PYROXD1: variants seen among roughly 807,000 people sequenced by gnomAD.
The protein encoded by PYROXD1 is tRNA ligase complex-associated NAD(P)H dehydrogenase PYROXD1.
Under a neutral mutation model 62.0 loss-of-function variants are expected in PYROXD1, and 42 were observed. The ratio of observed to expected loss-of-function variants is 0.68; its 90% CI spans 0.53 to 0.88. The LOEUF (loss-of-function observed/expected upper bound fraction) is 0.88. PYROXD1 is among the 40% of genes least tolerant of loss of function. The pLI, the probability that PYROXD1 is intolerant of heterozygous loss-of-function variation, is 0.00. For missense variants in PYROXD1, 493 were observed against 604.8 expected (o/e 0.82, Z 1.94); for synonymous variants, 170 against 206.4 (o/e 0.82, Z 1.51).
At chr12:21,440,205 A>G (rs1237457153) in intron 1 of PYROXD1, among the ~76,000 whole-genome samples, 163 bp from the exon 2 acceptor site, 1 of 152,188 alleles carries the variant, frequency 6.6e-6, no homozygotes, top group Admixed American at 6.5e-5. Context: ...CCATTGCCCC[A>G]TCAAGACCAA....
intron 10 of PYROXD1, 138 bp downstream of exon 10, chr12:21,463,000 TA>T (rs574532434): frequency 3.0e-4 from 191 of 645,936 alleles, no homozygotes; most frequent in Middle Eastern, 5.6e-4. Context: ...TATATATATT[TA>T]AAAAAAAAAC....
chr12:21,449,441 C>T, intron 3 of PYROXD1, 122 bp from the exon 4 acceptor site: 11 of 782,192 alleles, frequency 1.4e-5, no homozygotes, highest in South Asian at 4.5e-5. Context: ...TGAGTGCCAC[C>T]AAGAGGCAAC....
chr12:21,466,866 G>T (rs944939065), intron 10 of PYROXD1, among the ~76,000 whole-genome samples: 1 of 152,082 alleles, frequency 6.6e-6, no homozygotes, highest in Non-Finnish European at 1.5e-5. Context: ...TAGCATGAAG[G>T]GTTGTTGAAT....
Position 21,461,165 on chromosome 12 carries a change from A to G in PYROXD1, c.880+11A>G. Reference sequence around the variant, plus strand: ...TTACAGCTGATACAGGCAAGTAATGAAATAAGAAAAAATATATATAACCAC... The same window carrying G: ...TTACAGCTGATACAGGCAAGTAATGGAATAAGAAAAAATATATATAACCAC... On this transcript the variant is annotated intron_variant, in intron 8 of 11. Coordinates refer to ENST00000240651, the MANE Select transcript of PYROXD1 (RefSeq NM_024854.5). 1 of 1,466,964 alleles carries G rather than the reference A, an allele frequency of 6.8e-7. No homozygotes were observed. Among genetic ancestry groups the G allele is most frequent in the Non-Finnish European group, 9.1e-7 (1 of 1,098,446 alleles). The allele number at this position is 1,466,964 out of a possible 1,614,324, so 90.9% of individuals were successfully genotyped here.
chr12:21,455,334 T>G, intron 6 of PYROXD1, 42 bp downstream of exon 6: 1 of 1,289,256 alleles, frequency 7.8e-7, no homozygotes, highest in Non-Finnish European at 1.0e-6. Flanking sequence ...TACAAAACTT[T>G]TTTAAAACCA....
chr12:21,455,358 T>C (rs1942576675), intron 6 of PYROXD1, 66 bp downstream of exon 6: 1 of 987,670 alleles, frequency 1.0e-6, no homozygotes, highest in Non-Finnish European at 1.4e-6. Context: ...AGAAAAGGGC[T>C]ACAAGAAAAT....
rs1482342766 is a variant in PYROXD1, at chr12:21,462,006, A to T, written c.881-2A>T. On this transcript the variant is annotated splice_acceptor_variant, in intron 8 of 11. Transcript: ENST00000240651. LOFTEE classifies it high-confidence loss of function. The stretch of plus-strand genomic sequence containing the variant: ...TGTTTTTTTGGTTTTTTTTTCTTAA[A>T]GAGATGTGGCCTGTCTATGTGGAAT... The T allele has an allele frequency of 2.5e-6, 4 of 1,596,982 alleles. No homozygotes were observed. Among genetic ancestry groups the T allele is most frequent in the Non-Finnish European group, 2.6e-6 (3 of 1,169,506 alleles).
intron 2 of PYROXD1, 137 bp from the exon 3 acceptor site, chr12:21,445,210 C>G (rs372552780): frequency 3.4e-6 from 3 of 887,912 alleles, no homozygotes; most frequent in East Asian, 3.1e-5. Context: ...TCTTTCCACT[C>G]TATATAGTGC....
Position 21,471,034 on chromosome 12 carries a change from G to A in PYROXD1, c.*2280G>A, listed in dbSNP as rs777565272. ...ATAGCATGTGCCTCATTGTTCAGAA[G>A]ATTAGCTTTAGGTCCTATTTTCAAA... On this transcript the variant is annotated 3_prime_UTR_variant, in exon 12 of 12. Coordinates refer to ENST00000240651, the MANE Select transcript of PYROXD1 (RefSeq NM_024854.5). 28 of 1,601,644 alleles carry A rather than the reference G, an allele frequency of 1.7e-5. No homozygotes were observed. The East Asian group carries it at 6.0e-4, about 34-fold the overall frequency.
intron 5 of PYROXD1, 83 bp downstream of exon 5, chr12:21,452,237 C>A: frequency 3.2e-6 from 3 of 933,436 alleles, no homozygotes; most frequent in South Asian, 2.8e-5. Flanking sequence ...CTTTGTGATT[C>A]TTGTGATTTG....
intron 1 of PYROXD1, 167 bp downstream of exon 1, chr12:21,437,981 A>C: frequency 1.6e-6 from 1 of 645,150 alleles, no homozygotes. Context: ...GGTGGTCCTC[A>C]GATGACCTCA....
chr12:21,437,909 CG>C, intron 1 of PYROXD1, 95 bp downstream of exon 1: 1 of 1,188,404 alleles, frequency 8.4e-7, no homozygotes, highest in South Asian at 1.5e-5. Context: ...TTTCTTCTTC[CG>C]GGTTCCTTTT....
At chr12:21,438,649 T>C (rs1195931522) in intron 1 of PYROXD1, 3 of 152,242 alleles carry the variant, frequency 2.0e-5, no homozygotes, top group African/African-American at 7.2e-5. Context: ...CTTTCTTGAT[T>C]ATACTGAATA....
rs765266761 is a variant in PYROXD1 at position 21,462,800 on chromosome 12, G to T, written c.1054G>T (p.Asp352Tyr). Residue 352 changes from aspartate (D) to tyrosine (Y), a missense_variant, in exon 10 of 12, where the codon GAT becomes TAT. Around this residue, in one of 2 missense-constraint regions of PYROXD1, gnomAD observed 329 missense variants for 446.6 expected, o/e 0.74. Transcript: ENST00000240651. Reference protein sequence around the residue: ...VDDHMHTSLPDIYAAGDICTT... With the variant: ...VDDHMHTSLPYIYAAGDICTT... ...TGATCATATGCACACATCCCTTCCT[G>T]ATATCTATGCTGCCGGTGACATCTG... 5 of 1,614,012 alleles carry T rather than the reference G, an allele frequency of 3.1e-6. No individual in the cohort carries two copies. The South Asian group carries it at 5.5e-5, about 18-fold the overall frequency.
In PYROXD1 at chr12:21,462,132, TTTTTTTG is replaced by T. The variant is rs1179639115; in HGVS notation, c.993+14_993+20del. 1.3e-6 allele frequency: 2 copies of T among 1,516,752 alleles called. No individual in the cohort carries two copies. Among genetic ancestry groups the T allele is most frequent in the African/African-American group, 2.8e-5 (2 of 72,580 alleles). 94.0% of individuals were successfully genotyped at this position (1,516,752 alleles called of 1,614,324 possible). On this transcript the variant is annotated intron_variant, in intron 9 of 11. Transcript: ENST00000240651. Reference sequence around the variant, plus strand: ...TCCATGGTAACAGTGTAAGGTGAAATTTTTTTGTCCAGCTGTGAATATATTTGAAGTA... The same window carrying T: ...TCCATGGTAACAGTGTAAGGTGAAATTCCAGCTGTGAATATATTTGAAGTA...
Position 21,445,412 on chromosome 12 carries a change from T to A in PYROXD1, c.231T>A (p.Phe77Leu). The A allele has an allele frequency of 6.2e-7, 1 of 1,609,484 alleles. No individual in the cohort carries two copies. Among genetic ancestry groups the A allele is most frequent in the South Asian group, 1.1e-5 (1 of 89,504 alleles). The change falls in exon 3 of 12, where the codon TTT becomes TTA. Residue 77 changes from phenylalanine (F) to leucine (L), a missense_variant. Phe to Leu is a conservative substitution (Grantham distance 22, BLOSUM62 0). Around this residue, in one of 2 missense-constraint regions of PYROXD1, gnomAD observed 164 missense variants for 158.2 expected, o/e 1.04. Coordinates refer to ENST00000240651, the MANE Select transcript of PYROXD1 (RefSeq NM_024854.5). ...EQSSTMLGKR[F>L]PNIKVIESGV... is the part of the protein sequence containing the mutation. The stretch of plus-strand genomic sequence containing the variant: ...CAAGTACCATGTTAGGAAAACGCTT[T>A]CCCAACATTAAGGTTATAGAATCTG...
chr12:21,439,625 C>A (rs569358840), intron 1 of PYROXD1, among the ~76,000 whole-genome samples: 1 of 151,912 alleles, frequency 6.6e-6, no homozygotes, highest in South Asian at 2.1e-4. Flanking sequence ...ATAAATAATC[C>A]CTTGGATTTT....
intron 3 of PYROXD1, among the ~76,000 whole-genome samples, chr12:21,449,301 T>G (rs1367786681): frequency 1.3e-5 from 2 of 152,208 alleles, no homozygotes; most frequent in Non-Finnish European, 2.9e-5. Context: ...AATGTACCTT[T>G]TTATGCCAGG....
intron 10 of PYROXD1, among the ~76,000 whole-genome samples, chr12:21,463,453 G>A (rs1347396409): frequency 1.3e-5 from 2 of 152,074 alleles, no homozygotes; most frequent in Non-Finnish European, 2.9e-5. Context: ...CTTTGGGAGG[G>A]TGAGAGGCAG....
Sources: gnomAD v4.1 joint callset for allele counts (sites outside exome capture counted in the v4.1 genomes callset) on GRCh38, gnomAD v4.1.1 for gene constraint, gnomAD v4.1.1 regional missense constraint, MANE v1.5 for transcripts, NCBI Gene and HGNC (gene_info 2026-07-23, HGNC 2026-07-21) for gene names.